GABRA2: variants seen among roughly 807,000 people sequenced by gnomAD.
GABRA2 encodes gamma-aminobutyric acid type A receptor subunit alpha2, also known as gamma-aminobutyric acid receptor subunit alpha-2.
A neutral mutation model predicts 48.7 loss-of-function variants in GABRA2; 16 were observed. The observed-to-expected ratio is 0.33, with a 90% confidence interval of 0.22 to 0.50. The LOEUF is 0.50. Among genes scored for constraint, GABRA2 ranks in the 20% least tolerant of loss-of-function variants. The pLI, the probability that GABRA2 is intolerant of heterozygous loss-of-function variation, is 0.98. For missense variants in GABRA2, 275 were observed against 535.6 expected (o/e 0.51, Z 4.80); for synonymous variants, 185 against 184.5 (o/e 1.00, Z -0.02).
chr4:46,314,572 G>T (rs1208602320), intron 4 of GABRA2, among the ~76,000 whole-genome samples: 1 of 151,924 alleles, frequency 6.6e-6, no homozygotes, highest in Non-Finnish European at 1.5e-5. Context: ...GCTGAAGTTT[G>T]GGATACTATC....
At chr4:46,361,824 G>C (rs1046005385) in intron 3 of GABRA2, among the ~76,000 whole-genome samples, 1 of 152,232 alleles carries the variant, frequency 6.6e-6, no homozygotes, top group Non-Finnish European at 1.5e-5. Flanking sequence ...ACCTGGATGT[G>C]AGACATAGAG....
At chr4:46,285,991 T>C (rs937503278) in intron 8 of GABRA2, among the ~76,000 whole-genome samples, 4 of 152,126 alleles carry the variant, frequency 2.6e-5, no homozygotes, top group African/African-American at 9.7e-5. Flanking sequence ...AATTAACTTA[T>C]AAAATTCAAT....
chr4:46,383,619 C>T (rs1240662081), intron 3 of GABRA2, among the ~76,000 whole-genome samples: 1 of 151,998 alleles, frequency 6.6e-6, no homozygotes, highest in African/African-American at 2.4e-5. Context: ...TATGATAGCA[C>T]ATAATATGTA....
chr4:46,263,571 T>C (rs1256553407), intron 8 of GABRA2, among the ~76,000 whole-genome samples: 1 of 152,108 alleles, frequency 6.6e-6, no homozygotes, highest in Non-Finnish European at 1.5e-5. Flanking sequence ...TACTCCAAAT[T>C]TTATACCCTT....
chr4:46,353,881 T>C (rs1735553500), intron 3 of GABRA2, among the ~76,000 whole-genome samples: 1 of 152,142 alleles, frequency 6.6e-6, no homozygotes, highest in Admixed American at 6.6e-5. Context: ...CTCTTCACTA[T>C]GTTTGTTATT....
At chr4:46,322,795 A>G (rs896617053) in intron 4 of GABRA2, among the ~76,000 whole-genome samples, 9 of 152,018 alleles carry the variant, frequency 5.9e-5, no homozygotes, top group African/African-American at 1.9e-4. Context: ...ATGAGACATA[A>G]GAAGAAAGGC....
At chr4:46,291,793 A>C (rs1053065778) in intron 8 of GABRA2, among the ~76,000 whole-genome samples, 2 of 149,712 alleles carry the variant, frequency 1.3e-5, no homozygotes, top group African/African-American at 4.9e-5. Flanking sequence ...ATATATATAC[A>C]TATACATATA....
At chr4:46,279,300 T>C (rs1721068424) in intron 8 of GABRA2, among the ~76,000 whole-genome samples, 1 of 152,154 alleles carries the variant, frequency 6.6e-6, no homozygotes, top group Non-Finnish European at 1.5e-5. Flanking sequence ...ATGTAGGTGT[T>C]TACTTATCAT....
rs995704846 is a variant in GABRA2 at position 46,244,556 on chromosome 4, CG to C, written c.*5751del. ...ATCAATTCAGGCGTCATTCTATAAA[CG>C]GTAACTTACAACAAAATATTTGATG... On this transcript the variant is annotated 3_prime_UTR_variant, in exon 10 of 10. Transcript: ENST00000381620. Among the ~76,000 whole-genome samples, 2 of 151,408 alleles carry C rather than the reference CG, an allele frequency of 1.3e-5. No homozygotes were observed. Among genetic ancestry groups the C allele is most frequent in the African/African-American group, 4.8e-5 (2 of 41,372 alleles).
chr4:46,265,981 G>A (rs1718133341), intron 8 of GABRA2, among the ~76,000 whole-genome samples: 1 of 151,722 alleles, frequency 6.6e-6, no homozygotes, highest in South Asian at 2.1e-4. Context: ...TTTCCAAATT[G>A]TCTTTTTTAT....
chr4:46,382,966 T>C (rs1467939379), intron 3 of GABRA2, among the ~76,000 whole-genome samples: 1 of 152,212 alleles, frequency 6.6e-6, no homozygotes, highest in Non-Finnish European at 1.5e-5. Flanking sequence ...AGCCCATTTT[T>C]CCCTTATTAT....
At position 46,247,937 on chromosome 4, in the gene GABRA2, G is replaced by A. The variant is rs1360038398; in HGVS notation, c.*2371C>T. 6.6e-6 allele frequency among the ~76,000 whole-genome samples: 1 copy of A among 151,118 alleles called. No individual in the cohort carries two copies. The highest frequency in any genetic ancestry group is 1.5e-5 in the Non-Finnish European group (1 of 67,428). On this transcript the variant is annotated 3_prime_UTR_variant, in exon 10 of 10. Transcript: ENST00000381620. ...TCTGATCCCTAGCACTGAAAAATCT[G>A]AACTGCCAGAATGTCATTGCACTCA...
At chr4:46,279,397 C>T (rs1721087595) in intron 8 of GABRA2, among the ~76,000 whole-genome samples, 1 of 152,130 alleles carries the variant, frequency 6.6e-6, no homozygotes, top group Non-Finnish European at 1.5e-5. Flanking sequence ...TATCTAAAAT[C>T]ACTTTCCACT....
At chr4:46,347,882 C>T (rs1354710166) in intron 3 of GABRA2, among the ~76,000 whole-genome samples, 2 of 151,548 alleles carry the variant, frequency 1.3e-5, no homozygotes, top group East Asian at 2.0e-4. Context: ...TAAAAGAAAC[C>T]CAAACTACCC....
At chr4:46,291,774 C>CATAT (rs1415105864) in intron 8 of GABRA2, among the ~76,000 whole-genome samples, 13 of 107,918 alleles carry the variant, frequency 1.2e-4, no homozygotes, top group African/African-American at 1.9e-4. Context: ...AATAAACACA[C>CATAT]ACATATATAT....
intron 4 of GABRA2, among the ~76,000 whole-genome samples, chr4:46,318,289 G>A (rs998358123): frequency 6.6e-6 from 1 of 150,610 alleles, no homozygotes; most frequent in Non-Finnish European, 1.5e-5. Flanking sequence ...TGTTCACTTT[G>A]GTCCATATTT....
chr4:46,279,110 C>T lies in GABRA2; in HGVS notation c.857-16982G>A, dbSNP rs10015353. On this transcript the variant is annotated intron_variant, in intron 8 of 9. Coordinates refer to ENST00000381620, the MANE Select transcript of GABRA2 (RefSeq NM_000807.4). ...ACAGCAGCTTTGTGCGCCGTGTTTCCCATAAACTTCATAGTCAGCTAATCA... is the reference window on the plus strand; with the variant it reads ...ACAGCAGCTTTGTGCGCCGTGTTTCTCATAAACTTCATAGTCAGCTAATCA... Among the ~76,000 whole-genome samples, 1,134 of 152,094 alleles carry T rather than the reference C, an allele frequency of 7.5e-3. 22 individuals are homozygous for T. Among genetic ancestry groups the T allele is most frequent in the African/African-American group, 0.026 (1,078 of 41,522 alleles).
chr4:46,285,543 T>A (rs1488215512), intron 8 of GABRA2, among the ~76,000 whole-genome samples: 4 of 152,122 alleles, frequency 2.6e-5, no homozygotes. Flanking sequence ...AGGAAATTTC[T>A]GTCTTTATTT....
intron 3 of GABRA2, among the ~76,000 whole-genome samples, chr4:46,348,360 G>C (rs1334213394): frequency 6.6e-6 from 1 of 151,816 alleles, no homozygotes; most frequent in Non-Finnish European, 1.5e-5. Flanking sequence ...TGTGGAAGTC[G>C]GTGTGGCGAT....
Sources: gnomAD v4.1 joint callset for allele counts (sites outside exome capture counted in the v4.1 genomes callset) on GRCh38, gnomAD v4.1.1 for gene constraint, MANE v1.5 for transcripts, NCBI Gene and HGNC (gene_info 2026-07-23, HGNC 2026-07-21) for gene names.